The following FLT4 variants were observed in gnomAD, a reference collection of about 807,000 sequenced individuals.
FLT4 encodes fms related receptor tyrosine kinase 4.
Under a neutral mutation model 163.2 loss-of-function variants are expected in FLT4, and 30 were observed. The ratio of observed to expected loss-of-function variants is 0.18; its 90% CI spans 0.14 to 0.25. FLT4 has a LOEUF of 0.25. Among genes scored for constraint, FLT4 ranks in the 10% least tolerant of loss-of-function variants. FLT4 has a pLI of 1.00. For synonymous variants in FLT4, 884 were observed against 789.5 expected, an observed-to-expected ratio of 1.12 and a Z score of -2.01; for missense variants, 1,510 against 1,863.8, an observed-to-expected ratio of 0.81 and a Z score of 3.50.
Position 180,628,866 on chromosome 5 carries a change from GAGCC to G in FLT4, c.1103+12_1103+15del. The G allele has an allele frequency of 6.4e-7, 1 of 1,565,544 alleles. No homozygotes were observed. Among genetic ancestry groups the G allele is most frequent in the Non-Finnish European group, 8.7e-7 (1 of 1,144,708 alleles). On this transcript the variant is annotated intron_variant, in intron 8 of 29. Coordinates refer to ENST00000261937, the MANE Select transcript of FLT4 (RefSeq NM_182925.5). ...GAAGGGTATCGGCGGGGTCGGTGGG[GAGCC>G]AGGGCTGTTACCACTGGAACTCGGG...
intron 2 of FLT4, among the ~76,000 whole-genome samples, chr5:180,631,084 G>A (rs534613546): frequency 3.3e-5 from 5 of 152,252 alleles, no homozygotes; most frequent in African/African-American, 1.2e-4. Context: ...TGCTCCCAGG[G>A]TGGCTGGGAG....
rs745382167 is a variant in FLT4 at position 180,620,576 on chromosome 5, G to C, written c.2406+33C>G. The C allele has an allele frequency of 6.6e-6, 10 of 1,518,568 alleles. No individual in the cohort carries two copies. In the East Asian group the frequency reaches 1.8e-4, roughly 27 times the overall value. 94.1% of individuals were successfully genotyped at this position (1,518,568 alleles called of 1,614,324 possible). On this transcript the variant is annotated intron_variant, in intron 16 of 29. Transcript: ENST00000261937. The surrounding 1 kb of genome is among the most constrained non-coding windows in gnomAD (Gnocchi z 4.4). ...CGGCCAGGGTGGGGAAGGCCTGAGA[G>C]AGACTCCATCAGGAGCGGGGAGGGA... is the stretch of plus-strand genomic sequence containing the variant.
At chr5:180,624,353 A>C (rs1472989810) in intron 10 of FLT4, among the ~76,000 whole-genome samples, 2 of 151,620 alleles carry the variant, frequency 1.3e-5, no homozygotes, top group East Asian at 3.9e-4. Context: ...CAGCCTCCCA[A>C]GTAGCTGGGA....
In FLT4 at chr5:180,609,303, C is replaced by CCA. The variant is rs915134716; in HGVS notation, c.3808-252_3808-251dup. ...GTGGACGCCTCATACTTGGGGACCT[C>CCA]CACGGTGGCCAAGCATATGCTCAGT... On this transcript the variant is annotated intron_variant, in intron 28 of 29. Transcript: ENST00000261937. 8.1e-5 allele frequency: 46 copies of CCA among 570,936 alleles called. No homozygotes were observed. In the Admixed American group the frequency reaches 1.0e-3, roughly 13 times the overall value. 35.4% of individuals were successfully genotyped at this position (570,936 alleles called of 1,614,324 possible).
chr5:180,605,810 TCTC>T (rs1470864443), intron 29 of FLT4, among the ~76,000 whole-genome samples: 2 of 152,118 alleles, frequency 1.3e-5, no homozygotes, highest in Non-Finnish European at 2.9e-5. Flanking sequence ...AGTTTCCTGA[TCTC>T]CTTCCACCCA....
At chr5:180,622,156 T>C (rs1206574590) in intron 12 of FLT4, among the ~76,000 whole-genome samples, 1 of 152,128 alleles carries the variant, frequency 6.6e-6, no homozygotes, top group Non-Finnish European at 1.5e-5. Context: ...AAATAACGTG[T>C]TCCCTGGCTT....
intron 29 of FLT4, chr5:180,608,182 CAGT>C (rs150066252): frequency 0.045 from 31,534 of 700,570 alleles, 937 homozygotes; most frequent in East Asian, 0.099. Flanking sequence ...TAGTAGATAG[CAGT>C]AGAAGAAATA....
chr5:180,618,977 C>T (rs1316506787), intron 20 of FLT4, 44 bp downstream of exon 20: 2 of 1,553,372 alleles, frequency 1.3e-6, no homozygotes, highest in Admixed American at 3.9e-5. Context: ...AGAGGCGCCT[C>T]CATTCCCCCG....
In FLT4 at chr5:180,630,758, T is replaced by C. The variant is rs2127839295; in HGVS notation, c.197A>G (p.Glu66Gly). ...GTCCTTGTCTCCGGTGGCTGGCGCCTCCTGAGCTCCTGGCCAAGCCCACTC... is the reference window on the plus strand; with the variant it reads ...GTCCTTGTCTCCGGTGGCTGGCGCCCCCTGAGCTCCTGGCCAAGCCCACTC... The part of the protein sequence containing the change: ...PLEWAWPGAQ[E>G]APATGDKDSE... Residue 66 changes from glutamate (E) to glycine (G), a missense_variant, in exon 3 of 30, where the codon GAG becomes GGG. Coordinates refer to ENST00000261937, the MANE Select transcript of FLT4 (RefSeq NM_182925.5). The surrounding 1 kb of genome is among the most constrained non-coding windows in gnomAD (Gnocchi z 6.3). The C allele has an allele frequency of 6.2e-7, 1 of 1,608,140 alleles. No individual in the cohort carries two copies. The highest frequency in any genetic ancestry group is 1.3e-5 in the African/African-American group (1 of 74,964).
At chr5:180,627,001 C>A (rs1003051265) in intron 8 of FLT4, among the ~76,000 whole-genome samples, 1 of 152,214 alleles carries the variant, frequency 6.6e-6, no homozygotes, top group Admixed American at 6.5e-5. Flanking sequence ...GGGCTGGGAG[C>A]CCCACGAGGG....
At chr5:180,633,553 GAGAGGAGTCTGGGCC>G (rs1764331964) in intron 1 of FLT4, among the ~76,000 whole-genome samples, 2 of 152,220 alleles carry the variant, frequency 1.3e-5, no homozygotes, top group Non-Finnish European at 2.9e-5. Context: ...GGGCTGCCAT[GAGAGGAGTCTGGGCC>G]AGGGGCTGGG....
intron 1 of FLT4, among the ~76,000 whole-genome samples, chr5:180,638,334 C>T (rs1764843042): frequency 6.6e-6 from 1 of 152,204 alleles, no homozygotes; most frequent in Middle Eastern, 3.2e-3. Context: ...CGATAGCTCC[C>T]TCTCCCCAGA....
intron 1 of FLT4, among the ~76,000 whole-genome samples, chr5:180,641,787 A>T (rs1765133176): frequency 6.6e-6 from 1 of 152,188 alleles, no homozygotes; most frequent in Non-Finnish European, 1.5e-5. Flanking sequence ...GGCACCCCGC[A>T]CTGCCGCTCT....
chr5:180,628,450 C>A (rs1161686985), intron 8 of FLT4, among the ~76,000 whole-genome samples: 1 of 152,262 alleles, frequency 6.6e-6, no homozygotes, highest in Non-Finnish European at 1.5e-5. Flanking sequence ...CCCAGGCAAT[C>A]TGTCAATTCC....
In FLT4 at chr5:180,630,702, C is replaced by G. The variant is rs202063909; in HGVS notation, c.253G>C (p.Glu85Gln). Reference protein sequence around the residue: ...SEDTGVVRDCEGTDARPYCKV... With the variant: ...SEDTGVVRDCQGTDARPYCKV... Reference sequence around the variant, plus strand: ...CAGTAGGGCCTGGCGTCTGTGCCCTCGCAGTCTCGCACCACCCCCGTGTCC... The same window carrying G: ...CAGTAGGGCCTGGCGTCTGTGCCCTGGCAGTCTCGCACCACCCCCGTGTCC... The change falls in exon 3 of 30, where the codon GAG becomes CAG. Residue 85 changes from glutamate (E) to glutamine (Q), a missense_variant. Around this residue, in one of 5 missense-constraint regions of FLT4, gnomAD observed 157 missense variants for 178.7 expected, o/e 0.88. Transcript: ENST00000261937. The surrounding 1 kb of genome is among the most constrained non-coding windows in gnomAD (Gnocchi z 6.3). 35 of 1,612,634 alleles carry G rather than the reference C, an allele frequency of 2.2e-5. No individual in the cohort carries two copies. In the South Asian group the frequency reaches 3.7e-4, roughly 17 times the overall value.
At chr5:180,614,331 T>C in intron 23 of FLT4, 152 bp from the exon 24 acceptor site, 1 of 268,846 alleles carries the variant, frequency 3.7e-6, no homozygotes, top group Non-Finnish European at 7.3e-6. Context: ...AAGAGAGGGC[T>C]GAGGCCAGAT....
At chr5:180,624,327 A>G (rs1400101376) in intron 10 of FLT4, among the ~76,000 whole-genome samples, 1 of 151,496 alleles carries the variant, frequency 6.6e-6, no homozygotes, top group Admixed American at 6.6e-5. Flanking sequence ...CCTGGGTTCA[A>G]GCGATTCTCC....
rs1685794909 is a variant in FLT4 at position 180,609,764 on chromosome 5, C to G, written c.3807+141G>C. ...GCATCGCAGGAGGGCCCAAATGTGC[C>G]CAAGGCTCACCCTGGACTTGCACTT... On this transcript the variant is annotated intron_variant, in intron 28 of 29. Transcript: ENST00000261937. The G allele has an allele frequency of 8.5e-6, 9 of 1,064,100 alleles. No homozygotes were observed. The South Asian group carries it at 1.2e-4, about 14-fold the overall frequency. 65.9% of individuals were successfully genotyped at this position (1,064,100 alleles called of 1,614,324 possible).
At position 180,617,012 on chromosome 5, in the gene FLT4, G is replaced by T. The variant is rs113793749; in HGVS notation, c.3002-18C>A. 1.4e-3 allele frequency: 2,175 copies of T among 1,603,184 alleles called. 27 individuals carry two copies. The African/African-American group carries it at 0.019, about 14-fold the overall frequency. ...GTCCTCAGCTACACAGTGGAGCCAG[G>T]TGGGCTCAGGAGGCGCCTCCTCCGC... On this transcript the variant is annotated intron_variant, in intron 21 of 29. Coordinates refer to ENST00000261937, the MANE Select transcript of FLT4 (RefSeq NM_182925.5).
Sources: allele counts gnomAD v4.1 joint callset (sites outside exome capture counted in the v4.1 genomes callset), GRCh38; gene constraint gnomAD v4.1.1; regional missense constraint gnomAD v4.1.1; non-coding constraint Gnocchi (gnomAD v3.1); transcripts MANE v1.5; gene names NCBI Gene and HGNC (gene_info 2026-07-23, HGNC 2026-07-21).